CD6: variants seen among roughly 807,000 people sequenced by gnomAD.
CD6 encodes the protein CD6 molecule, also known as T-cell differentiation antigen CD6.
CD6 carries 53 observed loss-of-function variants against 75.3 expected under a neutral mutation model. That is an observed-to-expected ratio of 0.70 (90% CI 0.56 to 0.88). CD6 has a LOEUF of 0.88. Among genes scored for constraint, CD6 ranks in the 40% least tolerant of loss-of-function variants. CD6 has a pLI of 0.00. For missense variants in CD6, 770 were observed against 897.1 expected (o/e 0.86, Z 1.81); for synonymous variants, 359 against 381.5 (o/e 0.94, Z 0.69).
intron 1 of CD6, among the ~76,000 whole-genome samples, chr11:60,984,697 G>A (rs1286024338): frequency 6.6e-6 from 1 of 152,204 alleles, no homozygotes; most frequent in South Asian, 2.1e-4. Flanking sequence ...CAAAGTAAGG[G>A]GACTGAGAGC....
Position 61,013,461 on chromosome 11 carries a change from C to A in CD6, c.1189C>A (p.Arg397=). The change falls in exon 7 of 13, where the codon CGG becomes AGG. Residue 397 remains arginine, a synonymous_variant. Transcript: ENST00000313421. ...VTVKIENKES[R]ELMLLIPSIV... ...AGTGAAAATAGAGAACAAGGAATCT[C>A]GGGAGCTAATGCTCCTCATCCCCTC... is the stretch of plus-strand genomic sequence containing the variant. 1 of 1,614,100 alleles carries A rather than the reference C, an allele frequency of 6.2e-7. No individual in the cohort carries two copies.
At chr11:60,978,254 C>A (rs1248629643) in intron 1 of CD6, among the ~76,000 whole-genome samples, 1 of 152,188 alleles carries the variant, frequency 6.6e-6, no homozygotes, top group Non-Finnish European at 1.5e-5. Flanking sequence ...AAGACTGAGC[C>A]TGGGGACGCT....
Position 61,017,806 on chromosome 11 carries a change from C to G in CD6, c.1630C>G (p.His544Asp). The change falls in exon 11 of 13, where the codon CAC becomes GAC. Residue 544 changes from histidine (H) to aspartate (D), a missense_variant. By Grantham distance (81) the His-to-Asp change is moderately conservative. Transcript: ENST00000313421. ...CCACATCCCAACTGCCAACCCTGGA[C>G]ACTGCATTACAGACCCGCCATCCCT... ...ASHIPTANPG[H>D]CITDPPSLGP... The G allele has an allele frequency of 6.2e-7, 1 of 1,614,142 alleles. No homozygotes were observed. Among genetic ancestry groups the G allele is most frequent in the East Asian group, 2.2e-5 (1 of 44,886 alleles).
chr11:60,986,694 T>G (rs939457786), intron 1 of CD6, among the ~76,000 whole-genome samples: 6 of 152,304 alleles, frequency 3.9e-5, no homozygotes, highest in Middle Eastern at 3.4e-3. Context: ...TCCCCCGCTC[T>G]CAACGCCCCT....
At chr11:60,981,498 C>T (rs567623616) in intron 1 of CD6, among the ~76,000 whole-genome samples, 348 of 152,344 alleles carry the variant, frequency 2.3e-3, no homozygotes, top group South Asian at 5.0e-3. Context: ...CTGAGCTCTC[C>T]TCCTTCAGGC....
At chr11:60,991,821 C>T (rs1037822112) in intron 1 of CD6, among the ~76,000 whole-genome samples, 3 of 150,714 alleles carry the variant, frequency 2.0e-5, no homozygotes, top group Admixed American at 1.3e-4. Context: ...AAGCATGTGT[C>T]CAGCTAATTT....
In CD6 at chr11:61,017,767, G is replaced by C; in HGVS notation, c.1591G>C (p.Glu531Gln). 6.2e-7 allele frequency: 1 copy of C among 1,614,042 alleles called. No individual in the cohort carries two copies. Among genetic ancestry groups the C allele is most frequent in the African/African-American group, 1.3e-5 (1 of 74,984 alleles). ...TCCCTTTCCTGCCTTAGGACTTGAA[G>C]AGTTGCATGCCTCCCACATCCCAAC... ...QMPPLEEGLEELHASHIPTAN... is the reference protein window; with the variant it reads ...QMPPLEEGLEQLHASHIPTAN... The change falls in exon 11 of 13, where the codon GAG becomes CAG. Residue 531 changes from glutamate to glutamine, a missense_variant. Transcript: ENST00000313421.
Position 61,015,782 on chromosome 11 carries a change from A to G in CD6, c.1457A>G (p.Tyr486Cys), listed in dbSNP as rs1280613856. 3 of 1,613,942 alleles carry G rather than the reference A, an allele frequency of 1.9e-6. No individual in the cohort carries two copies. Among genetic ancestry groups the G allele is most frequent in the Non-Finnish European group, 8.5e-7 (1 of 1,180,006 alleles). ...TCAGACTCTGGCTCGGACTCAGACT[A>G]TGAGCACTATGACTTCAGCGCCCAG... ...EDSDSGSDSD[Y>C]EHYDFSAQPP... Residue 486 changes from tyrosine (Y) to cysteine (C), a missense_variant, in exon 9 of 13, where the codon TAT becomes TGT. By Grantham distance (194) the Tyr-to-Cys change is radical (BLOSUM62 -2). Transcript: ENST00000313421.
chr11:61,019,230 TAATCTG>T lies in CD6; in HGVS notation c.1943-23_1943-18del. On this transcript the variant is annotated intron_variant, in intron 12 of 12. Coordinates refer to ENST00000313421, the MANE Select transcript of CD6 (RefSeq NM_006725.5). ...GCAGGGCAATGACTGGGTCTCCCAC[TAATCTG>T]GGCCTCTCTGCCCACAGGGTCCCCC... The T allele has an allele frequency of 6.2e-7, 1 of 1,600,020 alleles. No homozygotes were observed. Among genetic ancestry groups the T allele is most frequent in the Non-Finnish European group, 8.5e-7 (1 of 1,170,742 alleles).
chr11:61,009,928 C>A, intron 5 of CD6, 54 bp downstream of exon 5: 1 of 1,501,420 alleles, frequency 6.7e-7, no homozygotes, highest in East Asian at 2.3e-5. Context: ...TACCTGAATC[C>A]ATGTCCTAAA....
chr11:61,007,956 A>C lies in CD6; in HGVS notation c.469+46A>C. 8.3e-7 allele frequency: 1 copy of C among 1,212,052 alleles called. No individual in the cohort carries two copies. Among genetic ancestry groups the C allele is most frequent in the Non-Finnish European group, 1.1e-6 (1 of 952,164 alleles). 75.1% of individuals were successfully genotyped at this position (1,212,052 alleles called of 1,614,324 possible). Reference sequence around the variant, plus strand: ...CGGGCCCCCACCTGCCCCACTCCCCAGGCCTTCAGCCACTGCCCCTGGCTC... The same window carrying C: ...CGGGCCCCCACCTGCCCCACTCCCCCGGCCTTCAGCCACTGCCCCTGGCTC... On this transcript the variant is annotated intron_variant, in intron 3 of 12. Coordinates refer to ENST00000313421, the MANE Select transcript of CD6 (RefSeq NM_006725.5). This position sits in a 1 kb window ranked among gnomAD's most constrained non-coding sequence, Gnocchi z 4.2.
At chr11:61,015,604 T>C (rs1859361290) in intron 8 of CD6, 109 bp from the exon 9 acceptor site, 3 of 1,307,710 alleles carry the variant, frequency 2.3e-6, no homozygotes, top group Non-Finnish European at 2.1e-6. Flanking sequence ...GGCTACTTGG[T>C]GCTCCCCTGC....
At chr11:61,006,723 AT>A in intron 2 of CD6, 81 bp downstream of exon 2, 1 of 1,181,500 alleles carries the variant, frequency 8.5e-7, no homozygotes, top group South Asian at 1.3e-5. Context: ...GGAAATGGAC[AT>A]TTAGGATACC....
chr11:60,992,939 G>C (rs1858128452), intron 1 of CD6, among the ~76,000 whole-genome samples: 1 of 152,194 alleles, frequency 6.6e-6, no homozygotes, highest in African/African-American at 2.4e-5. Context: ...GGGGGATCAA[G>C]AAGATGGGGC....
At chr11:60,989,793 T>A (rs1857988376) in intron 1 of CD6, among the ~76,000 whole-genome samples, 1 of 152,160 alleles carries the variant, frequency 6.6e-6, no homozygotes, top group Admixed American at 6.5e-5. Context: ...CCCAGAAAGT[T>A]CCTTGTCTCT....
At chr11:60,996,097 G>C (rs1858283347) in intron 1 of CD6, among the ~76,000 whole-genome samples, 1 of 152,180 alleles carries the variant, frequency 6.6e-6, no homozygotes, top group Non-Finnish European at 1.5e-5. Flanking sequence ...TCAATTCCCA[G>C]CTTGGCCATT....
chr11:61,010,683 T>C (rs1859097609), intron 5 of CD6, among the ~76,000 whole-genome samples: 2 of 152,214 alleles, frequency 1.3e-5, no homozygotes, highest in South Asian at 2.1e-4. Context: ...CTCATTTCTT[T>C]GTGAGCCTAC....
rs530086334 is a variant in CD6 at position 61,020,285 on chromosome 11, C to T, written c.*967C>T. On this transcript the variant is annotated 3_prime_UTR_variant, in exon 13 of 13. Transcript: ENST00000313421. ...TTGCACCCGGGGCTGCAAACGTCTC[C>T]GTGCAGCCCCCAGAGAGAGGCCCAT... The T allele has an allele frequency of 4.0e-5, 16 of 399,008 alleles. No individual in the cohort carries two copies. The highest frequency in any genetic ancestry group is 8.8e-5 in the Admixed American group (2 of 22,734). 24.7% of individuals were successfully genotyped at this position (399,008 alleles called of 1,614,324 possible).
intron 9 of CD6, chr11:61,017,264 G>C: frequency 1.7e-6 from 1 of 577,134 alleles, no homozygotes; most frequent in Non-Finnish European, 3.1e-6. Flanking sequence ...TAGGGCACTA[G>C]AGTTTCTGTC....
Sources: allele counts gnomAD v4.1 joint callset (sites outside exome capture counted in the v4.1 genomes callset), GRCh38; gene constraint gnomAD v4.1.1; non-coding constraint Gnocchi (gnomAD v3.1); transcripts MANE v1.5; gene names NCBI Gene and HGNC (gene_info 2026-07-23, HGNC 2026-07-21).